Variants in PHF3 observed in about 807,000 individuals in gnomAD.
The protein encoded by PHF3 is PHD finger protein 3.
Under a neutral mutation model 178.4 loss-of-function variants are expected in PHF3, and 41 were observed. That is an observed-to-expected ratio of 0.23 (90% CI 0.18 to 0.30). The LOEUF (loss-of-function observed/expected upper bound fraction) is 0.30, where lower values mean the gene tolerates loss of function less well. Ranked by LOEUF, PHF3 falls within the 10% of genes least tolerant of loss-of-function variation. PHF3 has a pLI of 1.00. For missense variants in PHF3, 2,346 were observed against 2,398.1 expected, an observed-to-expected ratio of 0.98 and a Z score of 0.45; for synonymous variants, 842 against 800.5, an observed-to-expected ratio of 1.05 and a Z score of -0.88.
In PHF3 at chr6:63,684,741, G is replaced by T. The variant is rs373163320; in HGVS notation, c.1019G>T (p.Gly340Val). 8 of 1,613,820 alleles carry T rather than the reference G, an allele frequency of 5.0e-6. No individual in the cohort carries two copies. The highest frequency in any genetic ancestry group is 5.9e-6 in the Non-Finnish European group (7 of 1,179,796). Residue 340 changes from glycine (G) to valine (V), a missense_variant, in exon 4 of 16, where the codon GGA becomes GTA. By Grantham distance (109) the Gly-to-Val change is moderately radical. Transcript: ENST00000262043. ...HEDDHILEDA[G>V]SSDISSDAAC... is the part of the protein sequence containing the mutation. ...GATGACCATATTCTTGAGGACGCTG[G>T]ATCTTCTGATATTTCTAGTGATGCT...
intron 5 of PHF3, among the ~76,000 whole-genome samples, chr6:63,693,291 C>G (rs67632720): frequency 6.6e-6 from 1 of 152,058 alleles, no homozygotes; most frequent in African/African-American, 2.4e-5. Flanking sequence ...TTGTATTGAC[C>G]ATAGCTGAGT....
chr6:63,721,626 A>G lies in PHF3; in HGVS notation c.*7918A>G. The G allele has an allele frequency of 6.4e-7, 1 of 1,551,294 alleles. No homozygotes were observed. The highest frequency in any genetic ancestry group is 1.4e-5 in the African/African-American group (1 of 73,120). ...AGTGGAGGCCTTTTCTGTTACATTT[A>G]TCCCATCTAGATCCAGGTAGCCTTC... On this transcript the variant is annotated 3_prime_UTR_variant, in exon 16 of 16. Transcript: ENST00000262043.
Position 63,680,361 on chromosome 6 carries a change from C to G in PHF3, c.406+200C>G, listed in dbSNP as rs150425442. 1.7e-3 allele frequency among the ~76,000 whole-genome samples: 254 copies of G among 151,240 alleles called. 3 individuals carry two copies. The highest frequency in any genetic ancestry group is 6.0e-3 in the African/African-American group (247 of 41,210). On this transcript the variant is annotated intron_variant, in intron 3 of 15. Transcript: ENST00000262043. ...CACCCCACACTACCCATTTCTCCTTCCCCAGGGGAAACCACTAGTAACTCT... is the reference window on the plus strand; with the variant it reads ...CACCCCACACTACCCATTTCTCCTTGCCCAGGGGAAACCACTAGTAACTCT...
chr6:63,684,646 T>G lies in PHF3; in HGVS notation c.924T>G (p.Val308=). The G allele has an allele frequency of 6.2e-7, 1 of 1,613,852 alleles. No homozygotes were observed. Among genetic ancestry groups the G allele is most frequent in the Non-Finnish European group, 8.5e-7 (1 of 1,179,914 alleles). Residue 308 remains valine (V), a synonymous_variant, in exon 4 of 16, where the codon GTT becomes GTG. Coordinates refer to ENST00000262043, the MANE Select transcript of PHF3 (RefSeq NM_001370348.2). ...TTTCAGGTAAAACGGGTGAGACTGTTGTTGAAGAAATGATAGCAACAAGAA... is the reference window on the plus strand; with the variant it reads ...TTTCAGGTAAAACGGGTGAGACTGTGGTTGAAGAAATGATAGCAACAAGAA... The part of the protein sequence containing the change: ...DSISGKTGET[V]VEEMIATRKV...
At chr6:63,651,810 T>C (rs1487578102) in intron 2 of PHF3, among the ~76,000 whole-genome samples, 4 of 152,210 alleles carry the variant, frequency 2.6e-5, no homozygotes, top group Non-Finnish European at 5.9e-5. Flanking sequence ...GCGGTATTTA[T>C]ATTTCTGTGC....
intron 2 of PHF3, among the ~76,000 whole-genome samples, chr6:63,648,031 C>T (rs930440763): frequency 9.9e-5 from 15 of 152,122 alleles, no homozygotes; most frequent in African/African-American, 3.4e-4. Flanking sequence ...AGGTGGTCTG[C>T]TGTTGGCCCT....
At position 63,720,727 on chromosome 6, in the gene PHF3, CTT is replaced by C. The variant is rs1281773356; in HGVS notation, c.*7020_*7021del. 6.5e-7 allele frequency: 1 copy of C among 1,549,310 alleles called. No individual in the cohort carries two copies. The highest frequency in any genetic ancestry group is 8.7e-7 in the Non-Finnish European group (1 of 1,146,126). On this transcript the variant is annotated 3_prime_UTR_variant, in exon 16 of 16. Transcript: ENST00000262043. ...CCAACAAAATTGGTTTTAAAAATCT[CTT>C]GAGTAACGATATTTACCTTTCTACC...
chr6:63,639,605 G>A (rs116525086), intron 1 of PHF3, among the ~76,000 whole-genome samples: 1,639 of 152,234 alleles, frequency 0.011, 20 homozygotes, highest in African/African-American at 0.038. Context: ...TGTAGGCTCA[G>A]GAATCACACT....
At chr6:63,709,952 G>A (rs1212059552) in intron 14 of PHF3, among the ~76,000 whole-genome samples, 1 of 152,018 alleles carries the variant, frequency 6.6e-6, no homozygotes, top group African/African-American at 2.4e-5. Flanking sequence ...TATTACTACA[G>A]AGGAAAATTT....
At chr6:63,665,538 C>T in intron 2 of PHF3, among the ~76,000 whole-genome samples, 1 of 129,180 alleles carries the variant, frequency 7.7e-6, no homozygotes, top group Non-Finnish European at 1.6e-5. Context: ...CCAGGATGGA[C>T]TGCAGTGGTG....
intron 3 of PHF3, among the ~76,000 whole-genome samples, chr6:63,683,238 AT>A (rs1336699785): frequency 5.3e-5 from 8 of 151,788 alleles, no homozygotes; most frequent in Non-Finnish European, 8.8e-5. Context: ...ACACCTGGAC[AT>A]TTACCTTTTT....
intron 8 of PHF3, 93 bp downstream of exon 8, chr6:63,698,698 T>C (rs1224259827): frequency 2.3e-6 from 2 of 877,074 alleles, no homozygotes; most frequent in East Asian, 5.4e-5. Context: ...AATTTATTAA[T>C]TGGAGTGAGA....
Position 63,713,978 on chromosome 6 carries a change from G to T in PHF3, c.*270G>T. On this transcript the variant is annotated 3_prime_UTR_variant, in exon 16 of 16. Transcript: ENST00000262043. The stretch of plus-strand genomic sequence containing the variant: ...ATTCAAAGATTTGTTTTATTAATAT[G>T]CAATAAAGGCTTAGAAATTTTAGTT... 3.5e-6 allele frequency: 1 copy of T among 288,420 alleles called. No individual in the cohort carries two copies. Among genetic ancestry groups the T allele is most frequent in the Non-Finnish European group, 6.3e-6 (1 of 157,728 alleles). 17.9% of individuals were successfully genotyped at this position (288,420 alleles called of 1,614,324 possible). A position where few individuals can be genotyped will look rare whatever the true frequency, so the allele number is the denominator to read the frequency against.
intron 1 of PHF3, among the ~76,000 whole-genome samples, chr6:63,640,369 G>C (rs541000804): frequency 6.6e-6 from 1 of 152,272 alleles, no homozygotes; most frequent in Non-Finnish European, 1.5e-5. Context: ...TCTGAGTCCT[G>C]GCTCTGTCAC....
chr6:63,712,640 G>A lies in PHF3; in HGVS notation c.5052G>A (p.Leu1684=). Residue 1684 remains leucine, a synonymous_variant, in exon 16 of 16, where the codon CTG becomes CTA. Transcript: ENST00000262043. ...RNGEKHMLPG[L]SHNKEHLTEQ... ...GAGAAAAACACATGCTGCCTGGCCT[G>A]TCACACAACAAGGAGCACTTAACAG... 6.2e-7 allele frequency: 1 copy of A among 1,613,922 alleles called. No individual in the cohort carries two copies. Among genetic ancestry groups the A allele is most frequent in the Non-Finnish European group, 8.5e-7 (1 of 1,179,954 alleles).
At chr6:63,671,211 T>C (rs1163690591) in intron 2 of PHF3, among the ~76,000 whole-genome samples, 2 of 152,206 alleles carry the variant, frequency 1.3e-5, no homozygotes, top group East Asian at 3.8e-4. Flanking sequence ...GTATAATGAT[T>C]TTCTTTGAGA....
rs759187459 is a variant in PHF3 at position 63,702,536 on chromosome 6, G to A, written c.3128G>A (p.Arg1043Lys). The A allele has an allele frequency of 6.2e-7, 1 of 1,611,200 alleles. No individual in the cohort carries two copies. Among genetic ancestry groups the A allele is most frequent in the Middle Eastern group, 1.6e-4 (1 of 6,074 alleles). ...ATAGAAATGATTGAGAAAGAGCAGAGAGAAGTGGAACGACGGCCAATCACC... is the reference window on the plus strand; with the variant it reads ...ATAGAAATGATTGAGAAAGAGCAGAAAGAAGTGGAACGACGGCCAATCACC... Reference protein sequence around the residue: ...HTIEMIEKEQREVERRPITKI... With the variant: ...HTIEMIEKEQKEVERRPITKI... Residue 1043 changes from arginine (R) to lysine (K), a missense_variant, in exon 10 of 16, where the codon AGA (arginine) becomes AAA (lysine). Arg to Lys is a conservative substitution (Grantham distance 26). Transcript: ENST00000262043.
chr6:63,653,902 G>C (rs1765123570), intron 2 of PHF3, among the ~76,000 whole-genome samples: 1 of 152,038 alleles, frequency 6.6e-6, no homozygotes, highest in Admixed American at 6.6e-5. Flanking sequence ...TACTGTTTTT[G>C]TTCTTCATTC....
chr6:63,647,201 A>T (rs187191836), intron 2 of PHF3, among the ~76,000 whole-genome samples: 143 of 152,066 alleles, frequency 9.4e-4, no homozygotes, highest in Admixed American at 1.8e-3. Flanking sequence ...GAGTCGGGGG[A>T]TGGCTGAATT....
Sources: allele counts gnomAD v4.1 joint callset (sites outside exome capture counted in the v4.1 genomes callset), GRCh38; gene constraint gnomAD v4.1.1; transcripts MANE v1.5; gene names NCBI Gene and HGNC (gene_info 2026-07-23, HGNC 2026-07-21).